GRIP1: variants seen among roughly 807,000 people sequenced by gnomAD.
GRIP1 encodes glutamate receptor-interacting protein 1.
In GRIP1, 45 loss-of-function variants were observed where a neutral mutation model predicts 129.9. The observed-to-expected ratio is 0.35, with a 90% CI of 0.27 to 0.44. The LOEUF is 0.44. Ranked by LOEUF, GRIP1 falls within the 20% of genes least tolerant of loss-of-function variation. GRIP1 has a pLI of 1.00. For missense variants in GRIP1, 1,196 were observed against 1,396.8 expected (o/e 0.86, Z 2.29); for synonymous variants, 530 against 520.8 (o/e 1.02, Z -0.24).
intron 2 of GRIP1, among the ~76,000 whole-genome samples, chr12:66,544,014 C>T (rs1411164476): frequency 2.0e-5 from 3 of 152,114 alleles, no homozygotes; most frequent in African/African-American, 2.4e-5. Context: ...ATAGGATGCA[C>T]GGGTACAGCC....
intron 1 of GRIP1, among the ~76,000 whole-genome samples, chr12:66,713,219 T>C (rs2035766310): frequency 6.6e-6 from 1 of 151,998 alleles, no homozygotes; most frequent in African/African-American, 2.4e-5. Context: ...ACAGTAAACT[T>C]GTTTACTCAG....
chr12:66,984,195 G>A (rs2042278104), intron 1 of GRIP1, among the ~76,000 whole-genome samples: 1 of 152,120 alleles, frequency 6.6e-6, no homozygotes, highest in African/African-American at 2.4e-5. Context: ...GCAAAACCTA[G>A]ACATCCCAGC....
At chr12:66,527,373 A>T (rs1203420278) in intron 5 of GRIP1, among the ~76,000 whole-genome samples, 1 of 151,894 alleles carries the variant, frequency 6.6e-6, no homozygotes, top group South Asian at 2.1e-4. Flanking sequence ...CATGTCCTTT[A>T]TAGGGACATG....
upstream of GRIP1, among the ~76,000 whole-genome samples, chr12:66,681,331 A>G (rs369361347): frequency 7.4e-4 from 112 of 152,172 alleles, no homozygotes; most frequent in African/African-American, 2.6e-3. Context: ...CTTGCCCTAA[A>G]CCCTTTGTCC....
chr12:66,918,575 C>T (rs1457139278), intron 1 of GRIP1, among the ~76,000 whole-genome samples: 1 of 152,086 alleles, frequency 6.6e-6, no homozygotes, highest in African/African-American at 2.4e-5. Context: ...CCTAAGTCTC[C>T]CAAATTCCAA....
chr12:66,765,475 T>A (rs1484247273), intron 1 of GRIP1, among the ~76,000 whole-genome samples: 3 of 152,174 alleles, frequency 2.0e-5, no homozygotes, highest in Admixed American at 6.5e-5. Flanking sequence ...AATGTCATAG[T>A]TTTTTTAAAT....
chr12:66,421,759 T>C (rs1440504728), intron 14 of GRIP1, among the ~76,000 whole-genome samples: 2 of 152,064 alleles, frequency 1.3e-5, no homozygotes, highest in Non-Finnish European at 1.5e-5. Flanking sequence ...ATTGAGTTTT[T>C]AGATAAAACT....
At chr12:66,870,229 T>A (rs2040272723) in intron 1 of GRIP1, among the ~76,000 whole-genome samples, 1 of 152,108 alleles carries the variant, frequency 6.6e-6, no homozygotes, top group Admixed American at 6.6e-5. Flanking sequence ...GGGGCAAATA[T>A]GCATATACTT....
At chr12:66,544,316 A>G (rs1462306553) in intron 2 of GRIP1, among the ~76,000 whole-genome samples, 2 of 152,196 alleles carry the variant, frequency 1.3e-5, no homozygotes, top group African/African-American at 4.8e-5. Context: ...TCAAGCACGT[A>G]TTGAATGCCT....
intron 15 of GRIP1, among the ~76,000 whole-genome samples, chr12:66,415,325 G>A (rs935977705): frequency 2.6e-5 from 4 of 152,036 alleles, no homozygotes; most frequent in African/African-American, 4.8e-5. Flanking sequence ...GAAAAAGCTC[G>A]TCATCACTGA....
intron 1 of GRIP1, among the ~76,000 whole-genome samples, chr12:66,700,650 C>T (rs184752680): frequency 2.0e-5 from 3 of 152,138 alleles, no homozygotes; most frequent in Admixed American, 6.5e-5. Flanking sequence ...GTTTTAGACA[C>T]ACTGCTCTGG....
At chr12:66,416,693 C>T (rs968690710) in intron 15 of GRIP1, among the ~76,000 whole-genome samples, 3 of 152,060 alleles carry the variant, frequency 2.0e-5, no homozygotes, top group Non-Finnish European at 1.5e-5. Context: ...ATACAATGTA[C>T]TAACATTGAA....
chr12:66,604,634 G>A (rs1022755556), intron 1 of GRIP1, among the ~76,000 whole-genome samples: 3 of 152,184 alleles, frequency 2.0e-5, no homozygotes, highest in Non-Finnish European at 4.4e-5. Flanking sequence ...TATGCCAGCT[G>A]ACATTTTCAG....
chr12:66,724,953 T>G (rs2036205443), intron 1 of GRIP1, among the ~76,000 whole-genome samples: 3 of 152,106 alleles, frequency 2.0e-5, no homozygotes. Flanking sequence ...GCCCATCCAT[T>G]GAAGATTCTT....
At chr12:66,943,911 G>C (rs187246731) in intron 1 of GRIP1, among the ~76,000 whole-genome samples, 12 of 152,220 alleles carry the variant, frequency 7.9e-5, no homozygotes, top group Admixed American at 7.2e-4. Context: ...CATTCTCATA[G>C]GTTAAGTATT....
At chr12:66,733,443 G>C (rs2036501143) in intron 1 of GRIP1, among the ~76,000 whole-genome samples, 1 of 152,138 alleles carries the variant, frequency 6.6e-6, no homozygotes, top group Admixed American at 6.5e-5. Context: ...AAAGCAGAGG[G>C]CTGATGTAGC....
At chr12:66,852,718 A>G (rs1004161996) in intron 1 of GRIP1, among the ~76,000 whole-genome samples, 7 of 151,932 alleles carry the variant, frequency 4.6e-5, no homozygotes, top group African/African-American at 7.2e-5. Context: ...CCAATTAAAT[A>G]GAGATGTCAA....
chr12:66,768,722 A>G (rs1228113481), intron 1 of GRIP1, among the ~76,000 whole-genome samples: 1 of 152,230 alleles, frequency 6.6e-6, no homozygotes, highest in Non-Finnish European at 1.5e-5. Context: ...TCCTTTTGAT[A>G]TGGTGATATT....
At chr12:66,909,681 C>T (rs990033753) in intron 1 of GRIP1, among the ~76,000 whole-genome samples, 1 of 152,152 alleles carries the variant, frequency 6.6e-6, no homozygotes. Context: ...GAGGTAGAGA[C>T]AGTGTGTGTG....
Sources: allele counts gnomAD v4.1 joint callset (sites outside exome capture counted in the v4.1 genomes callset), GRCh38; gene constraint gnomAD v4.1.1; transcripts MANE v1.5; gene names NCBI Gene and HGNC (gene_info 2026-07-23, HGNC 2026-07-21).